ARIH2: variants seen among roughly 807,000 people sequenced by gnomAD.
The protein encoded by ARIH2 is ariadne RBR E3 ubiquitin protein ligase 2.
ARIH2 carries 12 observed loss-of-function variants against 79.8 expected under a neutral mutation model. The ratio of observed to expected loss-of-function variants is 0.15; its 90% CI spans 0.10 to 0.24. The LOEUF (loss-of-function observed/expected upper bound fraction) is 0.24, where lower values mean the gene tolerates loss of function less well. Ranked by LOEUF, ARIH2 falls within the 10% of genes least tolerant of loss-of-function variation. The pLI, the probability that ARIH2 is intolerant of heterozygous loss-of-function variation, is 1.00. For synonymous variants in ARIH2, 224 were observed against 213.9 expected, an observed-to-expected ratio of 1.05 and a Z score of -0.41; for missense variants, 301 against 618.3, an observed-to-expected ratio of 0.49 and a Z score of 5.44.
chr3:48,952,006 A>G (rs1433523237), intron 3 of ARIH2, among the ~76,000 whole-genome samples: 1 of 152,148 alleles, frequency 6.6e-6, no homozygotes, highest in Non-Finnish European at 1.5e-5. Context: ...GGCAGTGACT[A>G]AATTTTTCTA....
chr3:48,940,541 G>GC (rs2087958335), intron 3 of ARIH2, among the ~76,000 whole-genome samples: 1 of 151,890 alleles, frequency 6.6e-6, no homozygotes, highest in African/African-American at 2.4e-5. Context: ...TGAAGCCATG[G>GC]CAGAGGAACA....
At chr3:48,944,580 A>T (rs953210407) in intron 3 of ARIH2, among the ~76,000 whole-genome samples, 7 of 152,288 alleles carry the variant, frequency 4.6e-5, no homozygotes, top group African/African-American at 1.7e-4. Context: ...AGTTATGATC[A>T]GGTGCCAGAG....
At chr3:48,932,561 T>G (rs1358836498) in intron 3 of ARIH2, among the ~76,000 whole-genome samples, 1 of 152,218 alleles carries the variant, frequency 6.6e-6, no homozygotes, top group Non-Finnish European at 1.5e-5. Context: ...TGAGTCCTTT[T>G]AATTACCATT....
In ARIH2 at chr3:48,958,439, C is replaced by T. The variant is rs374538091; in HGVS notation, c.256-3173C>T. The stretch of plus-strand genomic sequence containing the variant: ...TTTAAAAAAATAGATAGGCCGGGCA[C>T]GGTGGCTCACGCCTGTAATCCCAGC... On this transcript the variant is annotated intron_variant, in intron 3 of 15. Transcript: ENST00000356401. 1.8e-3 allele frequency among the ~76,000 whole-genome samples: 280 copies of T among 152,240 alleles called. 8 individuals are homozygous for T. In the South Asian group the frequency reaches 0.055, roughly 30 times the overall value.
At chr3:48,965,199 A>AG (rs2091664139) in intron 5 of ARIH2, among the ~76,000 whole-genome samples, 2 of 16,980 alleles carry the variant, frequency 1.2e-4, no homozygotes, top group Admixed American at 1.9e-3. Context: ...CTAAAAATAC[A>AG]AAAAAAAAAA....
At chr3:48,975,387 G>T (rs1008545826) in intron 11 of ARIH2, among the ~76,000 whole-genome samples, 2 of 152,086 alleles carry the variant, frequency 1.3e-5, no homozygotes, top group Non-Finnish European at 2.9e-5. Flanking sequence ...TTCTAGTGGG[G>T]GTTTTGATTT....
At chr3:48,936,253 T>G (rs2087102020) in intron 3 of ARIH2, among the ~76,000 whole-genome samples, 1 of 152,142 alleles carries the variant, frequency 6.6e-6, no homozygotes, top group African/African-American at 2.4e-5. Context: ...AGGATTAGAT[T>G]TGTCTTCCCC....
intron 3 of ARIH2, among the ~76,000 whole-genome samples, chr3:48,939,583 C>T (rs1410149013): frequency 6.6e-6 from 1 of 151,160 alleles, no homozygotes; most frequent in African/African-American, 2.4e-5. Flanking sequence ...CAGTGAAACC[C>T]TGTCTCTACT....
chr3:48,971,051 C>G (rs1432753811), intron 8 of ARIH2, among the ~76,000 whole-genome samples: 1 of 152,212 alleles, frequency 6.6e-6, no homozygotes, highest in East Asian at 1.9e-4. Flanking sequence ...TTTAATCTTT[C>G]TCTGTCTTGG....
intron 4 of ARIH2, among the ~76,000 whole-genome samples, chr3:48,964,274 T>C (rs1468179060): frequency 6.6e-6 from 1 of 151,600 alleles, no homozygotes; most frequent in Non-Finnish European, 1.5e-5. Flanking sequence ...CCCAAAGTGC[T>C]GAGACTACAG....
intron 6 of ARIH2, 36 bp from the exon 7 acceptor site, chr3:48,968,498 C>T (rs369193392): frequency 1.4e-5 from 22 of 1,591,442 alleles, no homozygotes; most frequent in Non-Finnish European, 1.6e-5. Context: ...CATGAGCTAT[C>T]GCACCTGGCC....
Position 48,983,959 on chromosome 3 carries a change from G to A in ARIH2, c.*689G>A, listed in dbSNP as rs192537754. On this transcript the variant is annotated 3_prime_UTR_variant, in exon 16 of 16. Transcript: ENST00000356401. ...CCACGGGGTGTTGTTGTCTCTGGTGGTGCTGCATGTCTGTGGCTCACCTTT... is the reference window on the plus strand; with the variant it reads ...CCACGGGGTGTTGTTGTCTCTGGTGATGCTGCATGTCTGTGGCTCACCTTT... 1.3e-5 allele frequency: 2 copies of A among 152,424 alleles called. No homozygotes were observed. Among genetic ancestry groups the A allele is most frequent in the African/African-American group, 4.8e-5 (2 of 41,456 alleles). The allele number at this position is 152,424 out of a possible 1,614,324, so 9.4% of individuals were successfully genotyped here. A position where few individuals can be genotyped will look rare whatever the true frequency, so the allele number is the denominator to read the frequency against.
intron 1 of ARIH2, among the ~76,000 whole-genome samples, chr3:48,922,008 G>T (rs1292269053): frequency 6.6e-6 from 1 of 152,174 alleles, no homozygotes; most frequent in South Asian, 2.1e-4. Flanking sequence ...CACAGTGGAG[G>T]TGATTTTGTA....
At chr3:48,976,891 G>A (rs1329573500) in intron 11 of ARIH2, among the ~76,000 whole-genome samples, 4 of 151,294 alleles carry the variant, frequency 2.6e-5, no homozygotes, top group African/African-American at 9.7e-5. Flanking sequence ...GCGATAGAGC[G>A]AGACTCTGTC....
At chr3:48,969,107 T>C (rs1242571486) in intron 7 of ARIH2, among the ~76,000 whole-genome samples, 1 of 151,822 alleles carries the variant, frequency 6.6e-6, no homozygotes, top group Non-Finnish European at 1.5e-5. Flanking sequence ...TCTCTTGACC[T>C]CATGATCTGC....
At chr3:48,937,774 G>C (rs1410011465) in intron 3 of ARIH2, among the ~76,000 whole-genome samples, 1 of 152,048 alleles carries the variant, frequency 6.6e-6, no homozygotes, top group Non-Finnish European at 1.5e-5. Context: ...CTGGCCAGGC[G>C]CGGTGGCTCA....
chr3:48,976,756 A>T (rs1309740491), intron 11 of ARIH2, among the ~76,000 whole-genome samples: 1 of 152,196 alleles, frequency 6.6e-6, no homozygotes, highest in African/African-American at 2.4e-5. Context: ...CCTAGTGCCT[A>T]AGAAGCCCCC....
intron 6 of ARIH2, chr3:48,968,300 C>A (rs1274668863): frequency 3.1e-6 from 1 of 326,142 alleles, no homozygotes. Context: ...CTCCGCCTCC[C>A]GGGTTCACGC....
At chr3:48,950,752 A>G (rs572418109) in intron 3 of ARIH2, among the ~76,000 whole-genome samples, 2 of 152,326 alleles carry the variant, frequency 1.3e-5, no homozygotes, top group East Asian at 1.9e-4. Flanking sequence ...AAGGATAAAA[A>G]TAGATTATCA....
Sources: gnomAD v4.1 joint callset for allele counts (sites outside exome capture counted in the v4.1 genomes callset) on GRCh38, gnomAD v4.1.1 for gene constraint, MANE v1.5 for transcripts, NCBI Gene and HGNC (gene_info 2026-07-23, HGNC 2026-07-21) for gene names.